Variants in GYG1 observed in about 807,000 individuals in gnomAD.
GYG1 encodes the protein glycogenin-1.
Under a neutral mutation model 41.9 loss-of-function variants are expected in GYG1, and 44 were observed. The ratio of observed to expected loss-of-function variants is 1.05; its 90% confidence interval spans 0.83 to 1.35. The LOEUF (loss-of-function observed/expected upper bound fraction) is 1.35. Among genes scored for constraint, GYG1 ranks in the 40% most tolerant of loss-of-function variants. The pLI, the probability that GYG1 is intolerant of heterozygous loss-of-function variation, is 0.00. For missense variants in GYG1, 429 were observed against 418.9 expected (o/e 1.02, Z -0.21); for synonymous variants, 141 against 158.1 (o/e 0.89, Z 0.81).
intron 5 of GYG1, among the ~76,000 whole-genome samples, chr3:149,010,306 C>T (rs947873662): frequency 6.6e-6 from 1 of 151,016 alleles, no homozygotes; most frequent in Non-Finnish European, 1.5e-5. Flanking sequence ...TTGTTTAGCA[C>T]GCACAGTCCC....
At chr3:149,008,102 T>G (rs536786538) in intron 4 of GYG1, 8 of 152,212 alleles carry the variant, frequency 5.3e-5, no homozygotes, top group Non-Finnish European at 1.0e-4. Flanking sequence ...CAGAGACTTT[T>G]GGTCAGTGGT....
intron 5 of GYG1, among the ~76,000 whole-genome samples, chr3:149,020,849 C>T (rs892118282): frequency 6.6e-6 from 1 of 151,982 alleles, no homozygotes; most frequent in African/African-American, 2.4e-5. Flanking sequence ...GGCTCCAGGC[C>T]GGGAAGTTGA....
At chr3:149,018,122 A>G (rs1714174657) in intron 5 of GYG1, among the ~76,000 whole-genome samples, 1 of 152,160 alleles carries the variant, frequency 6.6e-6, no homozygotes, top group Admixed American at 6.5e-5. Flanking sequence ...CTCGATTTTC[A>G]TAAATGACTA....
rs58075146 is a variant in GYG1, at chr3:149,017,582, G to GTTTTTTTTTTTTTT, written c.609-6454_609-6441dup. Among the ~76,000 whole-genome samples the GTTTTTTTTTTTTTT allele has an allele frequency of 2.5e-4, 12 of 47,382 alleles. 3 individuals carry two copies. The highest frequency in any genetic ancestry group is 6.6e-4 in the African/African-American group (12 of 18,088). The allele number at this position is 47,382 out of a possible 152,430, so 31.1% of individuals were successfully genotyped here. On this transcript the variant is annotated intron_variant, in intron 5 of 7. Coordinates refer to ENST00000345003, the MANE Select transcript of GYG1 (RefSeq NM_004130.4). ...TTATTTATTTATTTCTTTTATTTAGGTTTTTTTTTTTTTTTTTTTTTTTTT... is the reference window on the plus strand; with the variant it reads ...TTATTTATTTATTTCTTTTATTTAGGTTTTTTTTTTTTTTTTTTTTTTTTTTTTTTTTTTTTTTT...
chr3:149,010,050 G>C (rs1244408488), intron 5 of GYG1, among the ~76,000 whole-genome samples: 5 of 152,236 alleles, frequency 3.3e-5, no homozygotes, highest in African/African-American at 1.2e-4. Flanking sequence ...GTACACGTTA[G>C]ATTGTTAGTC....
intron 4 of GYG1, chr3:149,001,687 C>CA (rs1713102790): frequency 6.6e-6 from 1 of 152,366 alleles, no homozygotes; most frequent in Non-Finnish European, 1.5e-5. Flanking sequence ...CAGTTCAGGG[C>CA]AGCAGCTTGC....
intron 4 of GYG1, chr3:149,001,089 AG>A (rs1206903975): frequency 1.3e-5 from 2 of 152,220 alleles, no homozygotes; most frequent in African/African-American, 4.8e-5. Flanking sequence ...GCCCAAAAAA[AG>A]AATGAAGGAC....
Position 149,026,654 on chromosome 3 carries a change from A to G in GYG1, c.880-106A>G, listed in dbSNP as rs936643288. 4 of 1,031,546 alleles carry G rather than the reference A, an allele frequency of 3.9e-6. 1 individual carries two copies. The highest frequency in any genetic ancestry group is 4.7e-5 in the East Asian group (2 of 42,236). The allele number at this position is 1,031,546 out of a possible 1,614,324, so 63.9% of individuals were successfully genotyped here. A position where few individuals can be genotyped will look rare whatever the true frequency, so the allele number is the denominator to read the frequency against. On this transcript the variant is annotated intron_variant, in intron 7 of 7. Transcript: ENST00000345003. Reference sequence around the variant, plus strand: ...CATGTAATACTTTTCAGTTTTTGCTACTTTGCATGATGATTCATCCTGGCT... The same window carrying G: ...CATGTAATACTTTTCAGTTTTTGCTGCTTTGCATGATGATTCATCCTGGCT...
Position 148,996,428 on chromosome 3 carries a change from G to T in GYG1, c.270G>T (p.Trp90Cys), listed in dbSNP as rs1324148807. Residue 90 changes from tryptophan to cysteine, a missense_variant, in exon 3 of 8, where the codon TGG becomes TGT. Transcript: ENST00000345003. ...LGVTLTKLHC[W>C]SLTQYSKCVF... The stretch of plus-strand genomic sequence containing the variant: ...TCACGCTGACAAAGCTCCACTGCTG[G>T]TCGCTTACACAGTATTCAAAATGTG... The T allele has an allele frequency of 1.9e-6, 3 of 1,613,942 alleles. No individual in the cohort carries two copies. Among genetic ancestry groups the T allele is most frequent in the Non-Finnish European group, 2.5e-6 (3 of 1,179,986 alleles).
At chr3:149,009,743 C>G (rs1279124078) in intron 5 of GYG1, among the ~76,000 whole-genome samples, 1 of 152,216 alleles carries the variant, frequency 6.6e-6, no homozygotes, top group Admixed American at 6.5e-5. Context: ...TGCCCTAACT[C>G]AATGTCTTCC....
At chr3:148,993,803 A>G (rs965598724) in intron 1 of GYG1, among the ~76,000 whole-genome samples, 5 of 152,156 alleles carry the variant, frequency 3.3e-5, no homozygotes, top group South Asian at 2.1e-4. Context: ...AGAAACAGCA[A>G]ATGTACTACT....
chr3:149,005,648 T>C (rs1713357329), intron 4 of GYG1, among the ~76,000 whole-genome samples: 1 of 152,240 alleles, frequency 6.6e-6, no homozygotes, highest in Non-Finnish European at 1.5e-5. Flanking sequence ...GGCATTCTGC[T>C]ACATGTTAGC....
At chr3:149,014,124 G>A (rs994812192) in intron 5 of GYG1, among the ~76,000 whole-genome samples, 3 of 152,032 alleles carry the variant, frequency 2.0e-5, no homozygotes, top group African/African-American at 4.8e-5. Context: ...GTGTTAAGAA[G>A]AAGAATCAAG....
rs1714700949 is a variant in GYG1, at chr3:149,027,075, T to G, written c.*142T>G. ...TATCAGATGAGAGGCTTTTTTAGGA[T>G]AAGAGGTGAGAACTGGGCAAAAGTT... On this transcript the variant is annotated 3_prime_UTR_variant, in exon 8 of 8. Coordinates refer to ENST00000345003, the MANE Select transcript of GYG1 (RefSeq NM_004130.4). 1 of 844,766 alleles carries G rather than the reference T, an allele frequency of 1.2e-6. No homozygotes were observed. The highest frequency in any genetic ancestry group is 1.7e-5 in the African/African-American group (1 of 58,858). The allele number at this position is 844,766 out of a possible 1,614,324, so 52.3% of individuals were successfully genotyped here. A position where few individuals can be genotyped will look rare whatever the true frequency, so the allele number is the denominator to read the frequency against.
rs1712650687 is a variant in GYG1 at position 148,994,138 on chromosome 3, T to A, written c.8-4T>A. 2 of 1,613,272 alleles carry A rather than the reference T, an allele frequency of 1.2e-6. No individual in the cohort carries two copies. The highest frequency in any genetic ancestry group is 1.3e-5 in the African/African-American group (1 of 75,010). On this transcript the variant is annotated splice_region_variant and splice_polypyrimidine_tract_variant and intron_variant, in intron 1 of 7. Coordinates refer to ENST00000345003, the MANE Select transcript of GYG1 (RefSeq NM_004130.4). Reference sequence around the variant, plus strand: ...ATGAGTGTTTTTTTTTTCTTTGTATTAAGATCAGGCCTTTGTGACACTAAC... The same window carrying A: ...ATGAGTGTTTTTTTTTTCTTTGTATAAAGATCAGGCCTTTGTGACACTAAC...
At chr3:149,007,058 T>A (rs1181958283) in intron 4 of GYG1, among the ~76,000 whole-genome samples, 1 of 152,244 alleles carries the variant, frequency 6.6e-6, no homozygotes. Flanking sequence ...ATTCCAAGAT[T>A]AAGGTGCCAG....
intron 5 of GYG1, among the ~76,000 whole-genome samples, chr3:149,018,750 G>T (rs1714206823): frequency 6.6e-6 from 1 of 152,094 alleles, no homozygotes; most frequent in African/African-American, 2.4e-5. Context: ...ATAGATAGTA[G>T]GTGTGTAACA....
intron 7 of GYG1, 98 bp downstream of exon 7, chr3:149,026,600 C>G: frequency 9.8e-7 from 1 of 1,024,552 alleles, no homozygotes; most frequent in Non-Finnish European, 1.5e-6. Context: ...ATCATATAAT[C>G]TATATTTTTG....
At chr3:149,016,562 G>A (rs1011709623) in intron 5 of GYG1, among the ~76,000 whole-genome samples, 4 of 152,198 alleles carry the variant, frequency 2.6e-5, no homozygotes, top group Non-Finnish European at 5.9e-5. Context: ...CTGGGTTCGA[G>A]TGCTGACATT....
Sources: allele counts gnomAD v4.1 joint callset (sites outside exome capture counted in the v4.1 genomes callset), GRCh38; gene constraint gnomAD v4.1.1; transcripts MANE v1.5; gene names NCBI Gene and HGNC (gene_info 2026-07-23, HGNC 2026-07-21).